The following CAND1 variants were observed in gnomAD, a reference collection of about 807,000 sequenced individuals.
The protein encoded by CAND1 is cullin associated and neddylation dissociated 1.
A neutral mutation model predicts 108.5 loss-of-function variants in CAND1; 7 were observed. The observed-to-expected ratio is 0.06, with a 90% CI of 0.04 to 0.12. The LOEUF is 0.12. CAND1 is among the 10% of genes least tolerant of loss of function. The pLI, the probability that CAND1 is intolerant of heterozygous loss-of-function variation, is 1.00. For synonymous variants in CAND1, 534 were observed against 512.0 expected (o/e 1.04, Z -0.58); for missense variants, 941 against 1,448.7 (o/e 0.65, Z 5.69).
chr12:67,274,790 T>C (rs2044554031), intron 1 of CAND1, among the ~76,000 whole-genome samples: 1 of 152,202 alleles, frequency 6.6e-6, no homozygotes, highest in Non-Finnish European at 1.5e-5. Flanking sequence ...TGGACGGTAT[T>C]TTCTTTTGGA....
chr12:67,293,826 A>G (rs978197873), intron 3 of CAND1, among the ~76,000 whole-genome samples: 2 of 152,210 alleles, frequency 1.3e-5, no homozygotes, highest in Admixed American at 1.3e-4. Context: ...TACTTGAATC[A>G]TTCACTGTGC....
chr12:67,283,897 A>G (rs1021867856), intron 2 of CAND1, among the ~76,000 whole-genome samples: 11 of 152,166 alleles, frequency 7.2e-5, no homozygotes, highest in Non-Finnish European at 1.0e-4. Flanking sequence ...GAGAAATAAC[A>G]TATATTCAAG....
chr12:67,302,971 A>T (rs2044840793), intron 8 of CAND1, among the ~76,000 whole-genome samples: 1 of 152,174 alleles, frequency 6.6e-6, no homozygotes, highest in African/African-American at 2.4e-5. Flanking sequence ...TAGTCATTTT[A>T]TTAAACCTCA....
intron 7 of CAND1, among the ~76,000 whole-genome samples, chr12:67,299,679 A>G (rs991457544): frequency 1.3e-5 from 2 of 152,142 alleles, no homozygotes; most frequent in South Asian, 2.1e-4. Flanking sequence ...TGAGGCTCCT[A>G]AGATTGATGT....
intron 1 of CAND1, among the ~76,000 whole-genome samples, chr12:67,276,619 C>G (rs1473247812): frequency 6.6e-6 from 1 of 152,184 alleles, no homozygotes; most frequent in Non-Finnish European, 1.5e-5. Context: ...AAAGAAGTAT[C>G]AGTCACTCAT....
At position 67,269,428 on chromosome 12, in the gene CAND1, C is replaced by T. The variant is rs17103637; in HGVS notation, c.-290C>T. ...CCCTGAGTGGAAGTGTCTGGCTCCCCGTAGAGGCCCTTCTGTACGCCCCGC... is the reference window on the plus strand; with the variant it reads ...CCCTGAGTGGAAGTGTCTGGCTCCCTGTAGAGGCCCTTCTGTACGCCCCGC... On this transcript the variant is annotated 5_prime_UTR_variant, in exon 1 of 15. Transcript: ENST00000545606. The T allele has an allele frequency of 0.055, 23,978 of 435,844 alleles. 805 individuals carry two copies. The highest frequency in any genetic ancestry group is 0.092 in the African/African-American group (4,307 of 46,952). 27.0% of individuals were successfully genotyped at this position (435,844 alleles called of 1,614,324 possible).
rs1228321525 is a variant in CAND1, at chr12:67,319,118, T to C, written c.*6288T>C. ...CACCTTGGAAACCACCACATTAAAA[T>C]ACCCAGAAGGCATTAATTCCCAGTC... On this transcript the variant is annotated 3_prime_UTR_variant, in exon 15 of 15. Transcript: ENST00000545606. 6.6e-6 allele frequency: 1 copy of C among 152,176 alleles called. No homozygotes were observed. The highest frequency in any genetic ancestry group is 1.5e-5 in the Non-Finnish European group (1 of 68,042). The allele number at this position is 152,176 out of a possible 1,614,324, so 9.4% of individuals were successfully genotyped here.
chr12:67,292,608 TC>T lies in CAND1; in HGVS notation c.213-13del, dbSNP rs1186751637. 5 of 1,567,368 alleles carry T rather than the reference TC, an allele frequency of 3.2e-6. No homozygotes were observed. The highest frequency in any genetic ancestry group is 4.3e-6 in the Non-Finnish European group (5 of 1,159,384). ...ATCTAGCTTTTTTTAAACAATTTCT[TC>T]TTTGTATTACAGTCTTGGTCCTTTA... On this transcript the variant is annotated splice_polypyrimidine_tract_variant and intron_variant, in intron 2 of 14. Coordinates refer to ENST00000545606, the MANE Select transcript of CAND1 (RefSeq NM_018448.5).
intron 13 of CAND1, 56 bp from the exon 14 acceptor site, chr12:67,311,637 T>C: frequency 1.1e-6 from 1 of 922,400 alleles, no homozygotes. Context: ...GAATTTAGTA[T>C]TTTGTTTTTA....
chr12:67,275,747 G>A (rs1054206381), intron 1 of CAND1, among the ~76,000 whole-genome samples: 8 of 152,088 alleles, frequency 5.3e-5, no homozygotes, highest in Admixed American at 1.3e-4. Context: ...GTGAGTGCAA[G>A]GTATCTATCG....
intron 1 of CAND1, among the ~76,000 whole-genome samples, chr12:67,275,893 A>AAT (rs2044564630): frequency 1.3e-5 from 2 of 152,218 alleles, no homozygotes; most frequent in Admixed American, 1.3e-4. Context: ...AGGTCATATC[A>AAT]ACCTGGGAAT....
intron 2 of CAND1, among the ~76,000 whole-genome samples, chr12:67,284,319 A>G (rs2044647768): frequency 6.6e-6 from 1 of 152,142 alleles, no homozygotes; most frequent in Middle Eastern, 3.2e-3. Context: ...CTTCATTTAA[A>G]TGTTCAAAAT....
chr12:67,316,319 A>C lies in CAND1; in HGVS notation c.*3489A>C, dbSNP rs1263719365. 1 of 152,254 alleles carries C rather than the reference A, an allele frequency of 6.6e-6. No individual in the cohort carries two copies. Among genetic ancestry groups the C allele is most frequent in the East Asian group, 1.9e-4 (1 of 5,202 alleles). The allele number at this position is 152,254 out of a possible 1,614,324, so 9.4% of individuals were successfully genotyped here. ...GAACACAGTGGAAGTATTTGGCTAC[A>C]GGCTACCCAAATCTCATCAGATAAG... is the stretch of plus-strand genomic sequence containing the variant. On this transcript the variant is annotated 3_prime_UTR_variant, in exon 15 of 15. Transcript: ENST00000545606.
intron 1 of CAND1, 87 bp downstream of exon 1, chr12:67,269,872 G>T (rs1196249360): frequency 1.8e-6 from 2 of 1,142,388 alleles, no homozygotes; most frequent in Non-Finnish European, 2.5e-6. Context: ...CCACCCCTTC[G>T]GCCGTAGCCG....
chr12:67,298,303 T>C (rs2044789325), intron 6 of CAND1, among the ~76,000 whole-genome samples: 1 of 152,210 alleles, frequency 6.6e-6, no homozygotes, highest in East Asian at 1.9e-4. Flanking sequence ...GTTGTGTATT[T>C]GTGTACTAGA....
chr12:67,270,706 C>T (rs139877681), intron 1 of CAND1: 182 of 150,250 alleles, frequency 1.2e-3, no homozygotes, highest in African/African-American at 4.4e-3. Context: ...TTTTTCCTTG[C>T]ACGCTTCGGT....
intron 4 of CAND1, among the ~76,000 whole-genome samples, chr12:67,297,063 G>A (rs1474002092): frequency 2.0e-5 from 3 of 152,098 alleles, no homozygotes; most frequent in African/African-American, 7.2e-5. Flanking sequence ...CTCCCAAAGT[G>A]CCGGGATTAC....
At chr12:67,291,598 A>G (rs1168008817) in intron 2 of CAND1, among the ~76,000 whole-genome samples, 1 of 152,216 alleles carries the variant, frequency 6.6e-6, no homozygotes, top group Non-Finnish European at 1.5e-5. Context: ...TTTATGTTTC[A>G]TATATATCTC....
intron 1 of CAND1, among the ~76,000 whole-genome samples, chr12:67,277,854 C>G (rs1362480883): frequency 1.3e-5 from 2 of 152,124 alleles, no homozygotes; most frequent in Admixed American, 6.5e-5. Context: ...GTCAGGCCAT[C>G]ATAATTTCTA....
Sources: gnomAD v4.1 joint callset for allele counts (sites outside exome capture counted in the v4.1 genomes callset) on GRCh38, gnomAD v4.1.1 for gene constraint, MANE v1.5 for transcripts, NCBI Gene and HGNC (gene_info 2026-07-23, HGNC 2026-07-21) for gene names.